The following CLIC5 variants were observed in gnomAD, a reference collection of about 807,000 sequenced individuals.
CLIC5 encodes chloride intracellular channel protein 5.
Under a neutral mutation model 24.7 loss-of-function variants are expected in CLIC5, and 20 were observed. That is an observed-to-expected ratio of 0.81 (90% CI 0.57 to 1.18). The LOEUF is 1.18. CLIC5 is among the 50% of genes most tolerant of loss of function. The pLI is 0.00. For synonymous variants in CLIC5, 159 were observed against 135.6 expected (o/e 1.17, Z -1.20); for missense variants, 341 against 326.1 (o/e 1.05, Z -0.35).
intron 5 of CLIC5, among the ~76,000 whole-genome samples, chr6:45,905,342 T>A (rs917309747): frequency 6.6e-6 from 1 of 152,196 alleles, no homozygotes; most frequent in African/African-American, 2.4e-5. Context: ...TAACACTGTA[T>A]AAGTGTTCCC....
At chr6:46,053,979 G>A (rs910541984) in intron 1 of CLIC5, among the ~76,000 whole-genome samples, 12 of 152,116 alleles carry the variant, frequency 7.9e-5, no homozygotes, top group African/African-American at 2.9e-4. Context: ...TTTGACCAGT[G>A]GATCATTCAT....
rs1193093611 is a variant in CLIC5, at chr6:45,900,507, T to A, written c.*2581A>T. The A allele has an allele frequency of 8.1e-6, 1 of 122,770 alleles. No individual in the cohort carries two copies. Among genetic ancestry groups the A allele is most frequent in the Non-Finnish European group, 1.6e-5 (1 of 61,812 alleles). The allele number at this position is 122,770 out of a possible 1,614,324, so 7.6% of individuals were successfully genotyped here. On this transcript the variant is annotated 3_prime_UTR_variant, in exon 6 of 6. Transcript: ENST00000339561. ...TAAGAAGGCCAGACAGGCTGAAGCA[T>A]CTGGAGAAAGATCTCTTTTGAAACA...
chr6:45,999,075 G>C lies in CLIC5; in HGVS notation c.63+16405C>G, dbSNP rs576915675. Reference sequence around the variant, plus strand: ...ACCAAGTATATTGTAAACTCCCTGAGAGCAGAGTCCTTTTGGAACCTCCCA... The same window carrying C: ...ACCAAGTATATTGTAAACTCCCTGACAGCAGAGTCCTTTTGGAACCTCCCA... On this transcript the variant is annotated intron_variant, in intron 1 of 5. Coordinates refer to ENST00000339561, the MANE Select transcript of CLIC5 (RefSeq NM_016929.5). 2.0e-5 allele frequency among the ~76,000 whole-genome samples: 3 copies of C among 152,304 alleles called. No homozygotes were observed. The East Asian group carries it at 5.8e-4, about 29-fold the overall frequency.
intron 3 of CLIC5, among the ~76,000 whole-genome samples, chr6:45,946,786 A>C (rs536310238): frequency 3.3e-5 from 5 of 152,274 alleles, no homozygotes. Context: ...GATGGGTGCA[A>C]AGGCATCTAA....
the CLIC5 span, among the ~76,000 whole-genome samples, chr6:46,115,995 AT>A: frequency 1.3e-5 from 2 of 152,166 alleles, no homozygotes; most frequent in African/African-American, 2.4e-5. Context: ...AACTCATGCT[AT>A]TTTTTATCCT....
At chr6:45,969,796 G>GTTTTTTTTT (rs397779323) in intron 1 of CLIC5, among the ~76,000 whole-genome samples, 1 of 105,314 alleles carries the variant, frequency 9.5e-6, no homozygotes, top group Non-Finnish European at 1.8e-5. Flanking sequence ...TCACATCAAG[G>GTTTTTTTTT]TTTTTTTTTT....
intron 1 of CLIC5, among the ~76,000 whole-genome samples, chr6:46,027,152 C>G (rs1013309520): frequency 5.5e-4 from 84 of 152,246 alleles, no homozygotes; most frequent in African/African-American, 1.9e-3. Context: ...CATAAGCAAA[C>G]AAATAGATGT....
the CLIC5 span, among the ~76,000 whole-genome samples, chr6:46,124,665 G>A: frequency 2.0e-5 from 3 of 152,166 alleles, no homozygotes; most frequent in African/African-American, 7.2e-5. Context: ...GAAAATTTTT[G>A]CAATCTACTC....
chr6:45,988,607 T>C lies in CLIC5; in HGVS notation c.63+26873A>G, dbSNP rs144661328. Among the ~76,000 whole-genome samples the C allele has an allele frequency of 6.7e-3, 1,021 of 152,348 alleles. 17 individuals carry two copies. The highest frequency in any genetic ancestry group is 0.03 in the Admixed American group (459 of 15,302). On this transcript the variant is annotated intron_variant, in intron 1 of 5. Coordinates refer to ENST00000339561, the MANE Select transcript of CLIC5 (RefSeq NM_016929.5). Reference sequence around the variant, plus strand: ...TGTGGCTACTTGCCATTAAAAAACCTGAGGAGATTCATGCCACGCTTAACT... The same window carrying C: ...TGTGGCTACTTGCCATTAAAAAACCCGAGGAGATTCATGCCACGCTTAACT...
At chr6:46,061,579 A>G (rs914098069) in intron 1 of CLIC5, among the ~76,000 whole-genome samples, 1 of 152,208 alleles carries the variant, frequency 6.6e-6, no homozygotes, top group African/African-American at 2.4e-5. Context: ...ATTTGGCCTT[A>G]GAGACTAGAG....
intron 3 of CLIC5, among the ~76,000 whole-genome samples, chr6:45,943,153 T>A (rs1366433316): frequency 1.3e-5 from 2 of 152,200 alleles, no homozygotes; most frequent in African/African-American, 4.8e-5. Context: ...CATAGAGAGG[T>A]TAAGCAATTT....
intron 4 of CLIC5, among the ~76,000 whole-genome samples, chr6:45,915,458 T>C (rs778884170): frequency 2.0e-4 from 31 of 152,098 alleles, no homozygotes; most frequent in Non-Finnish European, 3.8e-4. Context: ...ACAGGGGGAA[T>C]AGAACAGCCC....
intron 1 of CLIC5, among the ~76,000 whole-genome samples, chr6:46,056,839 T>A (rs895246987): frequency 6.6e-6 from 1 of 152,174 alleles, no homozygotes; most frequent in Non-Finnish European, 1.5e-5. Flanking sequence ...AACTTCATAC[T>A]CATATGCCTT....
At chr6:46,036,531 C>G (rs1048819783) in intron 1 of CLIC5, among the ~76,000 whole-genome samples, 8 of 152,210 alleles carry the variant, frequency 5.3e-5, no homozygotes, top group African/African-American at 1.9e-4. Flanking sequence ...AGAATGGTCT[C>G]CTTCTCCTGA....
intron 1 of CLIC5, among the ~76,000 whole-genome samples, chr6:45,987,393 C>A (rs757000021): frequency 6.6e-6 from 1 of 152,170 alleles, no homozygotes; most frequent in Non-Finnish European, 1.5e-5. Flanking sequence ...GTACACATGT[C>A]TATATTCTCT....
At position 45,900,946 on chromosome 6, in the gene CLIC5, C is replaced by T. The variant is rs1405448647; in HGVS notation, c.*2142G>A. 1 of 152,128 alleles carries T rather than the reference C, an allele frequency of 6.6e-6. No homozygotes were observed. The highest frequency in any genetic ancestry group is 2.4e-5 in the African/African-American group (1 of 41,430). The allele number at this position is 152,128 out of a possible 1,614,324, so 9.4% of individuals were successfully genotyped here. A position where few individuals can be genotyped will look rare whatever the true frequency, so the allele number is the denominator to read the frequency against. On this transcript the variant is annotated 3_prime_UTR_variant, in exon 6 of 6. Transcript: ENST00000339561. ...TGGGGTGGAGTGGCCTCACCGGAGGCTTGGTTCTGTTTTCTCTGTGGCAAT... is the reference window on the plus strand; with the variant it reads ...TGGGGTGGAGTGGCCTCACCGGAGGTTTGGTTCTGTTTTCTCTGTGGCAAT...
chr6:46,047,890 T>C (rs1581897717), intron 1 of CLIC5, among the ~76,000 whole-genome samples: 1 of 152,354 alleles, frequency 6.6e-6, no homozygotes, highest in Non-Finnish European at 1.5e-5. Context: ...TAATAAAATA[T>C]TAATTTACCT....
At chr6:45,922,357 A>C (rs538007844) in intron 4 of CLIC5, among the ~76,000 whole-genome samples, 2 of 152,264 alleles carry the variant, frequency 1.3e-5, no homozygotes, top group East Asian at 3.9e-4. Context: ...ATTTCCAAGG[A>C]ATTCAGAAAC....
chr6:45,982,776 C>T (rs1293054033), intron 1 of CLIC5, among the ~76,000 whole-genome samples: 1 of 152,164 alleles, frequency 6.6e-6, no homozygotes, highest in Non-Finnish European at 1.5e-5. Flanking sequence ...CTCTGTTTGT[C>T]TCAGATTGCA....
Sources: allele counts gnomAD v4.1 joint callset (sites outside exome capture counted in the v4.1 genomes callset), GRCh38; gene constraint gnomAD v4.1.1; transcripts MANE v1.5; gene names NCBI Gene and HGNC (gene_info 2026-07-23, HGNC 2026-07-21).